The following DENND4B variants were observed in gnomAD, a reference collection of about 807,000 sequenced individuals.
DENND4B encodes DENN domain containing 4B, also known as DENN domain-containing protein 4B.
DENND4B carries 67 observed loss-of-function variants against 161.0 expected under a neutral mutation model. The ratio of observed to expected loss-of-function variants is 0.42; its 90% CI spans 0.34 to 0.51. The LOEUF is 0.51. Ranked by LOEUF, DENND4B falls within the 20% of genes least tolerant of loss-of-function variation. The pLI is 0.08. For missense variants in DENND4B, 1,481 were observed against 1,968.0 expected (o/e 0.75, Z 4.68); for synonymous variants, 753 against 813.8 (o/e 0.93, Z 1.27).
chr1:153,933,098 CCCCAGCCCCT>C lies in DENND4B; in HGVS notation c.3454-78_3454-69del, dbSNP rs1344993657. On this transcript the variant is annotated intron_variant, in intron 21 of 27. Transcript: ENST00000361217. This position sits in a 1 kb window ranked among gnomAD's most constrained non-coding sequence, Gnocchi z 5.7. ...CAGCACTCTGGAGCCCATGCCCCTT[CCCCAGCCCCT>C]CCCACCTCCTCCCCATCTCCTGCCT... is the stretch of plus-strand genomic sequence containing the variant. 1 of 1,610,190 alleles carries C rather than the reference CCCCAGCCCCT, an allele frequency of 6.2e-7. No homozygotes were observed. Among genetic ancestry groups the C allele is most frequent in the Non-Finnish European group, 8.5e-7 (1 of 1,177,308 alleles).
chr1:153,937,056 A>T lies in DENND4B; in HGVS notation c.2233-308T>A, dbSNP rs1431364324. The stretch of plus-strand genomic sequence containing the variant: ...GTGATCTGCCTGCCTCAGCCTCCCA[A>T]AATGCTGGGATTAAAGGCATGAGCC... On this transcript the variant is annotated intron_variant, in intron 15 of 27. Coordinates refer to ENST00000361217, the MANE Select transcript of DENND4B (RefSeq NM_014856.3). The surrounding 1 kb of genome is among the most constrained non-coding windows in gnomAD (Gnocchi z 4.7). 6.6e-6 allele frequency among the ~76,000 whole-genome samples: 1 copy of T among 152,196 alleles called. No individual in the cohort carries two copies. The highest frequency in any genetic ancestry group is 2.4e-5 in the African/African-American group (1 of 41,442).
At chr1:153,941,781 C>CGGGG in intron 6 of DENND4B, 88 bp downstream of exon 6, 2 of 656,260 alleles carry the variant, frequency 3.0e-6, no homozygotes, top group Non-Finnish European at 5.2e-6. Context: ...CCCAGCCCTC[C>CGGGG]CCCCACCCAC....
At position 153,936,627 on chromosome 1, in the gene DENND4B, G is replaced by C. The variant is rs996014462; in HGVS notation, c.2354C>G (p.Ser785Trp). ...WFLCLPAYVR[S>W]APSRVQALHT... The stretch of plus-strand genomic sequence containing the variant: ...CAGTGCCTGCACTCGGGAGGGTGCC[G>C]ACCGCACATAGGCAGGCAGACACAG... Residue 785 changes from serine (S) to tryptophan (W), a missense_variant, in exon 16 of 28, where the codon TCG (serine) becomes TGG (tryptophan). Transcript: ENST00000361217. The surrounding 1 kb of genome is among the most constrained non-coding windows in gnomAD (Gnocchi z 4.1). 1.9e-6 allele frequency: 3 copies of C among 1,613,306 alleles called. No homozygotes were observed. In the East Asian group the frequency reaches 6.7e-5, roughly 36 times the overall value.
chr1:153,936,773 G>T lies in DENND4B; in HGVS notation c.2233-25C>A. ...CCTAGGTAGGACAGGGGACACATCA[G>T]GGTGAGTACAATGCCAGGTCTTTCT... On this transcript the variant is annotated intron_variant, in intron 15 of 27. Transcript: ENST00000361217. This position sits in a 1 kb window ranked among gnomAD's most constrained non-coding sequence, Gnocchi z 4.1. The T allele has an allele frequency of 6.6e-7, 1 of 1,521,900 alleles. No homozygotes were observed. Among genetic ancestry groups the T allele is most frequent in the South Asian group, 1.3e-5 (1 of 78,206 alleles). 94.3% of individuals were successfully genotyped at this position (1,521,900 alleles called of 1,614,324 possible). A position where few individuals can be genotyped will look rare whatever the true frequency, so the allele number is the denominator to read the frequency against.
At position 153,932,320 on chromosome 1, in the gene DENND4B, G is replaced by A. The variant is rs751700998; in HGVS notation, c.3880C>T (p.Pro1294Ser). 5.6e-6 allele frequency: 9 copies of A among 1,613,946 alleles called. No homozygotes were observed. In the South Asian group the frequency reaches 7.7e-5, roughly 14 times the overall value. The change falls in exon 24 of 28, where the codon CCC becomes TCC. Residue 1294 changes from proline (P) to serine (S), a missense_variant. Physicochemically the swap from Pro to Ser is moderately conservative, Grantham distance 74 (BLOSUM62 -1). Coordinates refer to ENST00000361217, the MANE Select transcript of DENND4B (RefSeq NM_014856.3). The surrounding 1 kb of genome is among the most constrained non-coding windows in gnomAD (Gnocchi z 5.8). ...GSEVLALPEL[P>S]SAHPIIFWNL... is the part of the protein sequence containing the mutation. ...CAGAAGATGATGGGGTGGGCAGAGG[G>A]CAGTTCAGGCAACGCCAGCACCTCA... is the stretch of plus-strand genomic sequence containing the variant.
intron 17 of DENND4B, 161 bp from the exon 18 acceptor site, chr1:153,935,125 G>C: frequency 7.1e-7 from 1 of 1,402,846 alleles, no homozygotes; most frequent in Non-Finnish European, 9.4e-7. Flanking sequence ...GCCCAGAAGA[G>C]ACAGTAGGCA....
chr1:153,930,221 C>T lies in DENND4B; in HGVS notation c.*76G>A, dbSNP rs1344695456. 7 of 1,519,982 alleles carry T rather than the reference C, an allele frequency of 4.6e-6. No individual in the cohort carries two copies. The East Asian group carries it at 7.0e-5, about 15-fold the overall frequency. The allele number at this position is 1,519,982 out of a possible 1,614,324, so 94.2% of individuals were successfully genotyped here. A position where few individuals can be genotyped will look rare whatever the true frequency, so the allele number is the denominator to read the frequency against. ...CCTGTTCCCAACTCCATGAAGGCAA[C>T]AGGGAAGCAGTTTAACTCTAGAATC... On this transcript the variant is annotated 3_prime_UTR_variant, in exon 28 of 28. Transcript: ENST00000361217. This position sits in a 1 kb window ranked among gnomAD's most constrained non-coding sequence, Gnocchi z 4.7.
chr1:153,932,264 G>T lies in DENND4B; in HGVS notation c.3936C>A (p.Arg1312=), dbSNP rs1441902579. 3 of 1,613,876 alleles carry T rather than the reference G, an allele frequency of 1.9e-6. No homozygotes were observed. The South Asian group carries it at 3.3e-5, about 18-fold the overall frequency. Residue 1312 remains arginine (R), a synonymous_variant, in exon 24 of 28, where the codon CGC becomes CGA. Transcript: ENST00000361217. The surrounding 1 kb of genome is among the most constrained non-coding windows in gnomAD (Gnocchi z 5.8). ...CCAGGCCTGGTAGAATACTGGGCAG[G>T]CGTAGCCGTTGGAAATACCACAAAA... ...WNLLWYFQRL[R]LPSILPGLVL... is the part of the protein sequence containing the mutation.
At chr1:153,935,005 C>A (rs1258429146) in intron 17 of DENND4B, 41 bp from the exon 18 acceptor site, 6 of 1,598,418 alleles carry the variant, frequency 3.8e-6, no homozygotes, top group East Asian at 2.2e-5. Context: ...TACCTCGACA[C>A]CCTAACCCTG....
intron 6 of DENND4B, 50 bp from the exon 7 acceptor site, chr1:153,941,490 C>A: frequency 6.5e-7 from 1 of 1,548,714 alleles, no homozygotes; most frequent in Non-Finnish European, 8.7e-7. Context: ...CCATCCCTGT[C>A]CTCCCTCCAC....
Position 153,934,165 on chromosome 1 carries a change from G to T in DENND4B, c.2911C>A (p.Gln971Lys), listed in dbSNP as rs781155377. 3.8e-6 allele frequency: 6 copies of T among 1,586,540 alleles called. No homozygotes were observed. The East Asian group carries it at 1.3e-4, about 36-fold the overall frequency. The stretch of plus-strand genomic sequence containing the variant: ...GCCACACCGGCCTCCACAGTGGGCT[G>T]TGCCCCTCGGGCACTGCCCAGGCTA... Reference protein sequence around the residue: ...SGSLGSARGAQPTVEAGVAHM... With the variant: ...SGSLGSARGAKPTVEAGVAHM... Residue 971 changes from glutamine to lysine, a missense_variant, in exon 19 of 28, where the codon CAG (glutamine) becomes AAG (lysine). Transcript: ENST00000361217. The surrounding 1 kb of genome is among the most constrained non-coding windows in gnomAD (Gnocchi z 5.3).
intron 17 of DENND4B, chr1:153,935,309 C>T (rs1186788253): frequency 3.5e-6 from 1 of 289,322 alleles, no homozygotes; most frequent in Non-Finnish European, 6.5e-6. Flanking sequence ...TGGCTAAGGG[C>T]CTGAATTCGG....
At position 153,937,665 on chromosome 1, in the gene DENND4B, G is replaced by A. The variant is rs143860518; in HGVS notation, c.2106-51C>T. The A allele has an allele frequency of 4.9e-4, 789 of 1,613,040 alleles. 11 individuals are homozygous for A. The East Asian group carries it at 0.016, about 32-fold the overall frequency. On this transcript the variant is annotated intron_variant, in intron 14 of 27. Transcript: ENST00000361217. This position sits in a 1 kb window ranked among gnomAD's most constrained non-coding sequence, Gnocchi z 4.7. ...CGGGGCAGTCAGCACAGGGCGAAGCGAGTTGGACTGGACCAGTCTATGGGA... is the reference window on the plus strand; with the variant it reads ...CGGGGCAGTCAGCACAGGGCGAAGCAAGTTGGACTGGACCAGTCTATGGGA...
rs1253439318 is a variant in DENND4B at position 153,934,229 on chromosome 1, T to C, written c.2847A>G (p.Arg949=). The C allele has an allele frequency of 6.2e-7, 1 of 1,602,936 alleles. No homozygotes were observed. Among genetic ancestry groups the C allele is most frequent in the East Asian group, 2.2e-5 (1 of 44,558 alleles). ...RQTTWAGRSL[R]DPASPPGRLV... ...GGCGTCCAGGGGGTGAGGCTGGGTC[T>C]CTCAGACTTCGCCCAGCCCAAGTAG... Residue 949 remains arginine, a synonymous_variant, in exon 19 of 28, where the codon AGA becomes AGG. Transcript: ENST00000361217. This position sits in a 1 kb window ranked among gnomAD's most constrained non-coding sequence, Gnocchi z 5.3.
At position 153,941,259 on chromosome 1, in the gene DENND4B, G is replaced by C. The variant is rs1679648897; in HGVS notation, c.1153C>G (p.Gln385Glu). The C allele has an allele frequency of 1.2e-6, 2 of 1,613,796 alleles. No individual in the cohort carries two copies. The highest frequency in any genetic ancestry group is 2.7e-5 in the African/African-American group (2 of 74,902). ...AGGGGCAGGGGTGAGGATACAGGCT[G>C]ACAGAGGAGCAAGTTGTCATAGGGA... The part of the protein sequence containing the change: ...MSPYDNLLLC[Q>E]PVSSPLPLSG... Residue 385 changes from glutamine (Q) to glutamate (E), a missense_variant, in exon 8 of 28, where the codon CAG (glutamine) becomes GAG (glutamate). Coordinates refer to ENST00000361217, the MANE Select transcript of DENND4B (RefSeq NM_014856.3).
At position 153,934,430 on chromosome 1, in the gene DENND4B, T is replaced by A. The variant is rs905061327; in HGVS notation, c.2774-128A>T. On this transcript the variant is annotated intron_variant, in intron 18 of 27. Transcript: ENST00000361217. This position sits in a 1 kb window ranked among gnomAD's most constrained non-coding sequence, Gnocchi z 5.3. ...CAGGCAAAACTTTATCCGTTTTGTG[T>A]TTGTTTGTTTGTTTGTTTTGTTTTG... The A allele has an allele frequency of 1.2e-5, 15 of 1,264,354 alleles. No individual in the cohort carries two copies. In the African/African-American group the frequency reaches 2.2e-4, roughly 18 times the overall value. The allele number at this position is 1,264,354 out of a possible 1,614,324, so 78.3% of individuals were successfully genotyped here. A position where few individuals can be genotyped will look rare whatever the true frequency, so the allele number is the denominator to read the frequency against.
intron 1 of DENND4B, among the ~76,000 whole-genome samples, chr1:153,945,960 G>A (rs749332992): frequency 2.0e-5 from 3 of 152,200 alleles, no homozygotes; most frequent in African/African-American, 2.4e-5. Flanking sequence ...GCGCGCCGAG[G>A]GGGAGGAGGC....
At position 153,934,151 on chromosome 1, in the gene DENND4B, C is replaced by T. The variant is rs1300849497; in HGVS notation, c.2925G>A (p.Glu975=). 3 of 1,574,136 alleles carry T rather than the reference C, an allele frequency of 1.9e-6. No homozygotes were observed. Among genetic ancestry groups the T allele is most frequent in the East Asian group, 2.3e-5 (1 of 44,442 alleles). ...GGCACTCACTGTGGGCCACACCGGC[C>T]TCCACAGTGGGCTGTGCCCCTCGGG... The part of the protein sequence containing the change: ...GSARGAQPTV[E]AGVAHMIEAL... Residue 975 remains glutamate (E), a synonymous_variant, in exon 19 of 28, where the codon GAG becomes GAA. Transcript: ENST00000361217. This position sits in a 1 kb window ranked among gnomAD's most constrained non-coding sequence, Gnocchi z 5.3.
Position 153,932,618 on chromosome 1 carries a change from A to T in DENND4B, c.3759+24T>A, listed in dbSNP as rs1238012360. The stretch of plus-strand genomic sequence containing the variant: ...ACACAGGGCAACATTCCCGTTCCTC[A>T]TGCCCCTTTGGCCCAGCCCTTACCC... On this transcript the variant is annotated intron_variant, in intron 23 of 27. Coordinates refer to ENST00000361217, the MANE Select transcript of DENND4B (RefSeq NM_014856.3). The surrounding 1 kb of genome is among the most constrained non-coding windows in gnomAD (Gnocchi z 5.8). 1 of 1,602,808 alleles carries T rather than the reference A, an allele frequency of 6.2e-7. No individual in the cohort carries two copies. The highest frequency in any genetic ancestry group is 1.7e-5 in the Admixed American group (1 of 59,336).
Sources: gnomAD v4.1 joint callset for allele counts (sites outside exome capture counted in the v4.1 genomes callset) on GRCh38, gnomAD v4.1.1 for gene constraint, Gnocchi (gnomAD v3.1) non-coding constraint, MANE v1.5 for transcripts, NCBI Gene and HGNC (gene_info 2026-07-23, HGNC 2026-07-21) for gene names.